The following DRC5 variants were observed in gnomAD, a reference collection of about 807,000 sequenced individuals.
DRC5 encodes the protein dynein regulatory complex subunit 5.
At chr6:44,280,081 C>T in the DRC5 span, 1 of 1,105,336 alleles carries the variant, frequency 9.0e-7, no homozygotes, top group South Asian at 1.4e-5. Flanking sequence ...TCACAGTCCC[C>T]CTCCCCGCTC....
At chr6:44,295,230 A>G in the DRC5 span, among the ~76,000 whole-genome samples, 1 of 152,162 alleles carries the variant, frequency 6.6e-6, no homozygotes, top group African/African-American at 2.4e-5. Flanking sequence ...GGCCACCAGG[A>G]GTGGGTACGT....
At chr6:44,296,634 CTTCCTCTTA>C in the DRC5 span, among the ~76,000 whole-genome samples, 1 of 142,106 alleles carries the variant, frequency 7.0e-6, no homozygotes, top group African/African-American at 2.5e-5. Context: ...CCCCTCCTCC[CTTCCTCTTA>C]GTGGAGAAGT....
the DRC5 span, chr6:44,287,685 T>C: frequency 6.2e-7 from 1 of 1,614,238 alleles, no homozygotes; most frequent in Non-Finnish European, 8.5e-7. Flanking sequence ...TCCTGGACTT[T>C]GCAGGGACTG....
chr6:44,280,976 A>G, the DRC5 span, among the ~76,000 whole-genome samples: 1 of 152,158 alleles, frequency 6.6e-6, no homozygotes, highest in African/African-American at 2.4e-5. Context: ...GCCATTTCTG[A>G]TTAAGCTTTT....
the DRC5 span, chr6:44,279,796 T>TGTGTGTGTGTGTGTGTGTGTGTG: frequency 6.3e-6 from 1 of 159,392 alleles, no homozygotes; most frequent in Non-Finnish European, 1.3e-5. Context: ...TGTGTGTGTG[T>TGTGTGTGTGTGTGTGTGTGTGTG]TTGAAGATCA....
the DRC5 span, among the ~76,000 whole-genome samples, chr6:44,282,960 G>A: frequency 2.8e-4 from 42 of 151,794 alleles, no homozygotes; most frequent in Non-Finnish European, 4.1e-4. Flanking sequence ...CCGCCACCAC[G>A]CCCTGCTAAT....
chr6:44,286,240 C>T, the DRC5 span: 1 of 1,612,544 alleles, frequency 6.2e-7, no homozygotes, highest in South Asian at 1.1e-5. Flanking sequence ...CGACGTGGAC[C>T]CTGCGCACGT....
the DRC5 span, among the ~76,000 whole-genome samples, chr6:44,289,486 G>A: frequency 1.9e-4 from 29 of 152,246 alleles, no homozygotes; most frequent in South Asian, 5.6e-3. Context: ...TGAGCCTACC[G>A]TTTCAATGTG....
At chr6:44,296,934 TC>T in the DRC5 span, among the ~76,000 whole-genome samples, 377 of 148,488 alleles carry the variant, frequency 2.5e-3, 15 homozygotes, top group South Asian at 7.8e-3. Context: ...CAACTGAGCC[TC>T]GGCCCGTGTG....
At chr6:44,289,204 T>C in the DRC5 span, among the ~76,000 whole-genome samples, 1 of 151,280 alleles carries the variant, frequency 6.6e-6, no homozygotes, top group Non-Finnish European at 1.5e-5. Context: ...CCCCAGCTAA[T>C]TTTTGTATTT....
chr6:44,292,082 C>T, the DRC5 span, among the ~76,000 whole-genome samples: 1 of 152,352 alleles, frequency 6.6e-6, no homozygotes, highest in South Asian at 2.1e-4. Flanking sequence ...AGCCTTCACA[C>T]AGCCGCTGTG....
At chr6:44,288,993 CA>C in the DRC5 span, among the ~76,000 whole-genome samples, 151 of 32,818 alleles carry the variant, frequency 4.6e-3, no homozygotes, top group African/African-American at 0.023. Flanking sequence ...GACTCTGTCT[CA>C]AAAAAAAAAA....
At chr6:44,286,146 C>T in the DRC5 span, 1 of 1,613,894 alleles carries the variant, frequency 6.2e-7, no homozygotes, top group East Asian at 2.2e-5. Context: ...ACGGTGGGCT[C>T]CTCCATCTCT....
chr6:44,282,297 C>T, the DRC5 span: 33 of 1,614,186 alleles, frequency 2.0e-5, no homozygotes, highest in Non-Finnish European at 2.5e-5. Flanking sequence ...GCAGTTGAGA[C>T]GTAGGTTGAG....
the DRC5 span, chr6:44,279,697 C>CAGGGATG: frequency 3.9e-5 from 6 of 154,514 alleles, no homozygotes; most frequent in East Asian, 1.9e-4. Flanking sequence ...AATGCATCTA[C>CAGGGATG]AGGGATGAGG....
the DRC5 span, among the ~76,000 whole-genome samples, chr6:44,290,305 G>GATA: frequency 6.6e-6 from 1 of 152,148 alleles, no homozygotes; most frequent in Admixed American, 6.5e-5. Context: ...TGAGAAACTG[G>GATA]ATAATAATAT....
the DRC5 span, among the ~76,000 whole-genome samples, chr6:44,295,521 G>C: frequency 6.6e-6 from 1 of 152,188 alleles, no homozygotes; most frequent in African/African-American, 2.4e-5. Context: ...TAACTCAAAG[G>C]ATTGGGTGTG....
At chr6:44,280,612 A>C in the DRC5 span, among the ~76,000 whole-genome samples, 1 of 152,270 alleles carries the variant, frequency 6.6e-6, no homozygotes, top group African/African-American at 2.4e-5. Flanking sequence ...GAAAAACATG[A>C]ATCTCTGGCA....
the DRC5 span, chr6:44,280,249 G>A: frequency 5.1e-5 from 83 of 1,614,116 alleles, no homozygotes; most frequent in Middle Eastern, 3.3e-4. Context: ...TTCAGGGCCC[G>A]CTGGCGGGCT....
Sources: allele counts gnomAD v4.1 joint callset (sites outside exome capture counted in the v4.1 genomes callset), GRCh38; gene constraint gnomAD v4.1.1; transcripts MANE v1.5; gene names NCBI Gene and HGNC (gene_info 2026-07-23, HGNC 2026-07-21).